The following CFAP54 variants were observed in gnomAD, a reference collection of about 807,000 sequenced individuals.
CFAP54 encodes the protein cilia- and flagella-associated protein 54.
In CFAP54, 290 loss-of-function variants were observed where a neutral mutation model predicts 370.4. The observed-to-expected ratio is 0.78, with a 90% CI of 0.71 to 0.86. CFAP54 has a LOEUF of 0.86. Among genes scored for constraint, CFAP54 ranks in the 40% least tolerant of loss-of-function variants. The pLI is 0.00. For missense variants in CFAP54, 3,399 were observed against 3,528.7 expected (o/e 0.96, Z 0.93); for synonymous variants, 1,206 against 1,236.5 (o/e 0.98, Z 0.52).
At chr12:96,809,964 G>A (rs1958914980) in intron 63 of CFAP54, among the ~76,000 whole-genome samples, 3 of 152,136 alleles carry the variant, frequency 2.0e-5, no homozygotes, top group African/African-American at 7.2e-5. Flanking sequence ...AAGCACCTGA[G>A]CGTTGTACCT....
At chr12:96,499,458 G>A (rs186418360) in intron 1 of CFAP54, among the ~76,000 whole-genome samples, 6 of 152,238 alleles carry the variant, frequency 3.9e-5, no homozygotes, top group African/African-American at 1.4e-4. Context: ...CTAGAACACC[G>A]ACAACACCAA....
intron 26 of CFAP54, among the ~76,000 whole-genome samples, chr12:96,604,448 G>A (rs538230559): frequency 1.1e-4 from 16 of 152,312 alleles, no homozygotes; most frequent in African/African-American, 3.6e-4. Flanking sequence ...GTCCATTATC[G>A]GAGCTCAATC....
chr12:96,527,378 A>C lies in CFAP54; in HGVS notation c.1291A>C (p.Thr431Pro), dbSNP rs1955394776. 6.5e-7 allele frequency: 1 copy of C among 1,535,206 alleles called. No individual in the cohort carries two copies. Among genetic ancestry groups the C allele is most frequent in the Non-Finnish European group, 8.7e-7 (1 of 1,146,408 alleles). Reference sequence around the variant, plus strand: ...AATACTGCAAACTGGACCCATTGTTACAGATGAAGTGGAGATTCATGATGT... The same window carrying C: ...AATACTGCAAACTGGACCCATTGTTCCAGATGAAGTGGAGATTCATGATGT... ...RRILQTGPIV[T>P]DEVEIHDVVS... is the part of the protein sequence containing the mutation. Residue 431 changes from threonine to proline, a missense_variant, in exon 9 of 68, where the codon ACA becomes CCA. Physicochemically the swap from Thr to Pro is conservative, Grantham distance 38. Transcript: ENST00000524981.
In CFAP54 at chr12:96,749,861, G is replaced by T. The variant is rs149436906; in HGVS notation, c.7685-3882G>T. 1.2e-4 allele frequency among the ~76,000 whole-genome samples: 19 copies of T among 152,212 alleles called. No homozygotes were observed. In the East Asian group the frequency reaches 2.3e-3, roughly 19 times the overall value. ...TTTGCCAGGCTATTTTACTTTGTCT[G>T]TTTATTGTGGGTCATGTCTAGCTGT... On this transcript the variant is annotated intron_variant, in intron 55 of 67. Transcript: ENST00000524981.
intron 63 of CFAP54, among the ~76,000 whole-genome samples, chr12:96,804,433 C>T (rs963935265): frequency 3.3e-5 from 5 of 152,112 alleles, no homozygotes; most frequent in Admixed American, 1.3e-4. Flanking sequence ...TTTTGTAAAG[C>T]TTCAGTACAC....
chr12:96,644,139 G>A, intron 32 of CFAP54, 39 bp from the exon 33 acceptor site: 3 of 1,313,168 alleles, frequency 2.3e-6, no homozygotes, highest in Non-Finnish European at 3.1e-6. Context: ...ATATCTGAAA[G>A]TTCTTGTGTA....
At chr12:96,664,095 A>G (rs531543572) in intron 39 of CFAP54, among the ~76,000 whole-genome samples, 163 bp downstream of exon 39, 5 of 152,340 alleles carry the variant, frequency 3.3e-5, no homozygotes, top group Admixed American at 2.6e-4. Context: ...TTACGTTGCT[A>G]TAAATGTTAC....
intron 23 of CFAP54, among the ~76,000 whole-genome samples, chr12:96,591,890 CA>C (rs754624061): frequency 0.087 from 8,014 of 92,552 alleles, 275 homozygotes; most frequent in Middle Eastern, 0.17. Context: ...AACTCCGTCT[CA>C]AAAAAAAAAA....
chr12:96,586,527 G>A (rs1956077415), intron 22 of CFAP54, among the ~76,000 whole-genome samples: 1 of 152,136 alleles, frequency 6.6e-6, no homozygotes, highest in Non-Finnish European at 1.5e-5. Flanking sequence ...AAGGAGATGA[G>A]GGAATGGCTC....
At chr12:96,595,005 G>T (rs1956162468) in intron 25 of CFAP54, among the ~76,000 whole-genome samples, 1 of 152,162 alleles carries the variant, frequency 6.6e-6, no homozygotes, top group Non-Finnish European at 1.5e-5. Context: ...ATATGGGTTA[G>T]CTGGGTCTTC....
chr12:96,667,036 G>A (rs1957088745), intron 39 of CFAP54, among the ~76,000 whole-genome samples: 1 of 152,158 alleles, frequency 6.6e-6, no homozygotes, highest in African/African-American at 2.4e-5. Context: ...AATCCAATAA[G>A]GCAGTCATTA....
chr12:96,647,827 T>A (rs1163259595), intron 33 of CFAP54, 48 bp from the exon 34 acceptor site: 28 of 1,422,800 alleles, frequency 2.0e-5, no homozygotes, highest in Non-Finnish European at 2.5e-5. Context: ...CAGATTTAAT[T>A]CAATTTTGCT....
At position 96,753,786 on chromosome 12, in the gene CFAP54, G is replaced by C. The variant is rs752116523; in HGVS notation, c.7728G>C (p.Lys2576Asn). 1.9e-6 allele frequency: 3 copies of C among 1,613,784 alleles called. No homozygotes were observed. In the Admixed American group the frequency reaches 5.0e-5, roughly 27 times the overall value. The part of the protein sequence containing the change: ...AKQVYYKNKR[K>N]DPSKWLPALH... ...AAGTATATTACAAGAATAAAAGGAA[G>C]GACCCCTCGAAGTGGTTACCTGCTC... The change falls in exon 56 of 68, where the codon AAG (lysine) becomes AAC (asparagine). Residue 2576 changes from lysine to asparagine, a missense_variant. Lys to Asn is a moderately conservative substitution (Grantham distance 94). Around this residue, in one of 3 missense-constraint regions of CFAP54, gnomAD observed 2,796 missense variants for 2,869.7 expected, o/e 0.97. Coordinates refer to ENST00000524981, the MANE Select transcript of CFAP54 (RefSeq NM_001306084.2).
intron 30 of CFAP54, among the ~76,000 whole-genome samples, chr12:96,628,104 G>A (rs761660747): frequency 6.6e-6 from 1 of 152,160 alleles, no homozygotes; most frequent in South Asian, 2.1e-4. Context: ...TGTGTAGCAG[G>A]TGGTACCAGC....
intron 5 of CFAP54, among the ~76,000 whole-genome samples, chr12:96,514,048 G>A (rs960828034): frequency 1.6e-4 from 25 of 152,120 alleles, no homozygotes; most frequent in African/African-American, 5.8e-4. Flanking sequence ...TTTGTCCACG[G>A]GAGACATATT....
intron 50 of CFAP54, among the ~76,000 whole-genome samples, chr12:96,729,679 G>A (rs1359768332): frequency 3.9e-5 from 6 of 152,202 alleles, no homozygotes; most frequent in East Asian, 1.9e-4. Flanking sequence ...GCTCGCGCAC[G>A]GCGCGCTGCA....
Position 96,691,642 on chromosome 12 carries a change from T to C in CFAP54, c.6264+332T>C, listed in dbSNP as rs539584109. ...TGTACTTGTAAGCCACTGCATTAAG[T>C]TGTTCAGGTTATATCAATCCCAAAA... On this transcript the variant is annotated intron_variant, in intron 44 of 67. Coordinates refer to ENST00000524981, the MANE Select transcript of CFAP54 (RefSeq NM_001306084.2). 1.1e-4 allele frequency among the ~76,000 whole-genome samples: 16 copies of C among 152,304 alleles called. No homozygotes were observed. In the South Asian group the frequency reaches 2.7e-3, roughly 26 times the overall value.
intron 28 of CFAP54, 69 bp from the exon 29 acceptor site, chr12:96,625,649 A>T: frequency 1.1e-6 from 1 of 895,262 alleles, no homozygotes; most frequent in Non-Finnish European, 1.7e-6. Flanking sequence ...TGTTATTGTG[A>T]ATTACTCAAA....
At chr12:96,601,360 G>A (rs1956240031) in intron 26 of CFAP54, among the ~76,000 whole-genome samples, 1 of 152,192 alleles carries the variant, frequency 6.6e-6, no homozygotes, top group African/African-American at 2.4e-5. Context: ...TGGTTTGCCA[G>A]TATTTTATTG....
Sources: gnomAD v4.1 joint callset for allele counts (sites outside exome capture counted in the v4.1 genomes callset) on GRCh38, gnomAD v4.1.1 for gene constraint, gnomAD v4.1.1 regional missense constraint, MANE v1.5 for transcripts, NCBI Gene and HGNC (gene_info 2026-07-23, HGNC 2026-07-21) for gene names.